Variants in ARHGAP39 observed in about 807,000 individuals in gnomAD.
The protein encoded by ARHGAP39 is rho GTPase-activating protein 39.
A neutral mutation model predicts 106.9 loss-of-function variants in ARHGAP39; 44 were observed. The ratio of observed to expected loss-of-function variants is 0.41; its 90% confidence interval spans 0.32 to 0.53. The LOEUF is 0.53. Ranked by LOEUF, ARHGAP39 falls within the 20% of genes least tolerant of loss-of-function variation. The probability of loss-of-function intolerance (pLI) is 0.21; values close to 1 mark genes in which losing one functional copy is unlikely to be tolerated. For missense variants in ARHGAP39, 1,496 were observed against 1,577.3 expected, an observed-to-expected ratio of 0.95 and a Z score of 0.87; for synonymous variants, 768 against 693.2, an observed-to-expected ratio of 1.11 and a Z score of -1.69.
intron 4 of ARHGAP39, among the ~76,000 whole-genome samples, 161 bp downstream of exon 4, chr8:144,555,399 C>T (rs1817878568): frequency 6.6e-6 from 1 of 152,204 alleles, no homozygotes; most frequent in Admixed American, 6.5e-5. Context: ...CTCTAAGGGG[C>T]TCCTGTCCAG....
At position 144,548,753 on chromosome 8, in the gene ARHGAP39, T is replaced by G. The variant is rs1817584068; in HGVS notation, c.597-264A>C. Among the ~76,000 whole-genome samples the G allele has an allele frequency of 6.6e-6, 1 of 152,194 alleles. No individual in the cohort carries two copies. The highest frequency in any genetic ancestry group is 2.4e-5 in the African/African-American group (1 of 41,450). The stretch of plus-strand genomic sequence containing the variant: ...TCCTGACCGGGCACAGGGCTGCTTC[T>G]GTAACTAGAACCGGGGGCGGCGTTA... On this transcript the variant is annotated intron_variant, in intron 4 of 11. Coordinates refer to ENST00000377307, the MANE Select transcript of ARHGAP39 (RefSeq NM_025251.3). This position sits in a 1 kb window ranked among gnomAD's most constrained non-coding sequence, Gnocchi z 7.4.
At chr8:144,685,215 G>A (rs1822552001) in intron 1 of ARHGAP39, among the ~76,000 whole-genome samples, 1 of 148,800 alleles carries the variant, frequency 6.7e-6, no homozygotes, top group Non-Finnish European at 1.5e-5. Context: ...CACTCCCCTC[G>A]GGCCGGGCAC....
At chr8:144,619,564 G>A (rs1278323681) in intron 1 of ARHGAP39, among the ~76,000 whole-genome samples, 1 of 151,916 alleles carries the variant, frequency 6.6e-6, no homozygotes, top group South Asian at 2.1e-4. Flanking sequence ...GACAGCGTGA[G>A]TACCCGTGTG....
intron 1 of ARHGAP39, among the ~76,000 whole-genome samples, chr8:144,613,788 G>T (rs191266331): frequency 8.5e-5 from 13 of 152,282 alleles, no homozygotes; most frequent in African/African-American, 2.6e-4. Flanking sequence ...AAGATGGTCA[G>T]ATCTAGGCTT....
chr8:144,540,946 G>T (rs1400819832), intron 6 of ARHGAP39, among the ~76,000 whole-genome samples: 2 of 152,170 alleles, frequency 1.3e-5, no homozygotes. Context: ...CCGCCTCCTG[G>T]GTTCAAGTGA....
Position 144,605,864 on chromosome 8 carries a change from G to A in ARHGAP39, c.-81-169C>T. The A allele has an allele frequency of 5.5e-6, 3 of 543,890 alleles. No individual in the cohort carries two copies. In the East Asian group the frequency reaches 9.3e-5, roughly 17 times the overall value. 33.7% of individuals were successfully genotyped at this position (543,890 alleles called of 1,614,324 possible). On this transcript the variant is annotated intron_variant, in intron 1 of 11. Coordinates refer to ENST00000377307, the MANE Select transcript of ARHGAP39 (RefSeq NM_025251.3). ...CCACTCCTCAGTGCTCCTGATGCCTGGCCCTGCGTTGCAGCGAAGCCTGGC... is the reference window on the plus strand; with the variant it reads ...CCACTCCTCAGTGCTCCTGATGCCTAGCCCTGCGTTGCAGCGAAGCCTGGC...
chr8:144,698,406 A>G, the ARHGAP39 span, among the ~76,000 whole-genome samples: 2 of 152,168 alleles, frequency 1.3e-5, no homozygotes, highest in Non-Finnish European at 2.9e-5. Flanking sequence ...TATTCCCTTT[A>G]TAGCAACATA....
chr8:144,593,472 A>C (rs61291591), intron 2 of ARHGAP39, among the ~76,000 whole-genome samples: 3,854 of 152,274 alleles, frequency 0.025, 171 homozygotes, highest in African/African-American at 0.088. Flanking sequence ...AAACTGACAA[A>C]ACTCTTAGAA....
chr8:144,576,311 C>T (rs1280893569), intron 3 of ARHGAP39, among the ~76,000 whole-genome samples: 78 of 119,032 alleles, frequency 6.6e-4, no homozygotes, highest in Non-Finnish European at 9.8e-4. Context: ...CCAGCCTGGG[C>T]GACAGAGTGA....
chr8:144,636,114 G>A (rs1447677913), intron 1 of ARHGAP39, among the ~76,000 whole-genome samples: 11 of 151,732 alleles, frequency 7.2e-5, no homozygotes, highest in Non-Finnish European at 2.9e-5. Context: ...TTAGAGGGGG[G>A]CTGAATCTCC....
chr8:144,550,319 G>A (rs898713695), intron 4 of ARHGAP39, among the ~76,000 whole-genome samples: 6 of 152,122 alleles, frequency 3.9e-5, no homozygotes, highest in African/African-American at 1.2e-4. Flanking sequence ...CAGGAATTTG[G>A]CCAGGTGTGG....
rs553942776 is a variant in ARHGAP39 at position 144,599,826 on chromosome 8, T to C, written c.80+5709A>G. Among the ~76,000 whole-genome samples the C allele has an allele frequency of 2.0e-5, 3 of 152,322 alleles. No homozygotes were observed. The South Asian group carries it at 6.2e-4, about 32-fold the overall frequency. On this transcript the variant is annotated intron_variant, in intron 2 of 11. Transcript: ENST00000377307. ...AATGCAAATGAACCCTGGCTTTTTT[T>C]AGTGCATATATTTTTGTAGTGGAAT...
chr8:144,556,283 T>TAA (rs773901158), intron 3 of ARHGAP39, among the ~76,000 whole-genome samples: 18 of 87,262 alleles, frequency 2.1e-4, no homozygotes, highest in African/African-American at 3.1e-4. Context: ...AGACTCCATC[T>TAA]AAAAAAAAAA....
intron 4 of ARHGAP39, among the ~76,000 whole-genome samples, chr8:144,552,795 ATTTC>A (rs1817768847): frequency 6.6e-6 from 1 of 151,054 alleles, no homozygotes; most frequent in Admixed American, 6.6e-5. Context: ...TTTGTTTATA[ATTTC>A]TTTTTTTTTT....
intron 7 of ARHGAP39, among the ~76,000 whole-genome samples, chr8:144,535,764 G>A (rs1291861365): frequency 6.6e-6 from 1 of 152,146 alleles, no homozygotes; most frequent in South Asian, 2.1e-4. Flanking sequence ...TCTGTGACTG[G>A]GATACACTGG....
chr8:144,650,996 A>G (rs1821560890), intron 1 of ARHGAP39, among the ~76,000 whole-genome samples: 1 of 152,080 alleles, frequency 6.6e-6, no homozygotes, highest in South Asian at 2.1e-4. Flanking sequence ...TATCTAGAAA[A>G]CCCCATCGTC....
At chr8:144,622,518 A>G (rs1036570233) in intron 1 of ARHGAP39, among the ~76,000 whole-genome samples, 1 of 151,980 alleles carries the variant, frequency 6.6e-6, no homozygotes, top group Non-Finnish European at 1.5e-5. Context: ...CCCTCCCAGG[A>G]GAGGAGGCCC....
chr8:144,606,345 A>G (rs1019047628), intron 1 of ARHGAP39, among the ~76,000 whole-genome samples: 1 of 152,154 alleles, frequency 6.6e-6, no homozygotes, highest in Non-Finnish European at 1.5e-5. Context: ...CAGCACAACC[A>G]ACCCCCTTCC....
chr8:144,629,720 G>T (rs1009404564), intron 1 of ARHGAP39, among the ~76,000 whole-genome samples: 10 of 152,238 alleles, frequency 6.6e-5, no homozygotes, highest in African/African-American at 2.4e-4. Context: ...CCAGACCTGT[G>T]CTGGCAGAGG....
Sources: allele counts gnomAD v4.1 joint callset (sites outside exome capture counted in the v4.1 genomes callset), GRCh38; gene constraint gnomAD v4.1.1; non-coding constraint Gnocchi (gnomAD v3.1); transcripts MANE v1.5; gene names NCBI Gene and HGNC (gene_info 2026-07-23, HGNC 2026-07-21).